Variants in IL16 observed in about 807,000 individuals in gnomAD.
The protein encoded by IL16 is interleukin 16.
A neutral mutation model predicts 110.1 loss-of-function variants in IL16; 67 were observed. The ratio of observed to expected loss-of-function variants is 0.61; its 90% CI spans 0.50 to 0.75. The LOEUF is 0.75. IL16 is among the 30% of genes least tolerant of loss of function. The pLI is 0.00. For synonymous variants in IL16, 689 were observed against 662.9 expected, an observed-to-expected ratio of 1.04 and a Z score of -0.61; for missense variants, 1,545 against 1,655.0, an observed-to-expected ratio of 0.93 and a Z score of 1.15.
rs77958445 is a variant in IL16, at chr15:81,269,597, C to A, written c.624C>A (p.Gly208=). 6.2e-7 allele frequency: 1 copy of A among 1,614,012 alleles called. No individual in the cohort carries two copies. The highest frequency in any genetic ancestry group is 1.7e-5 in the Admixed American group (1 of 60,008). The change falls in exon 5 of 19, where the codon GGC becomes GGA. Residue 208 remains glycine (G), a synonymous_variant. Transcript: ENST00000683961. ...CTCAGCTCGTGCAGCCATCTGGGGGCCTCCAGGCTTCAGTCATCTCCAACA... is the reference window on the plus strand; with the variant it reads ...CTCAGCTCGTGCAGCCATCTGGGGGACTCCAGGCTTCAGTCATCTCCAACA... ...STAQLVQPSG[G]LQASVISNIV... is the part of the protein sequence containing the mutation.
At chr15:81,261,246 G>C (rs1267056542) in intron 3 of IL16, among the ~76,000 whole-genome samples, 1 of 152,186 alleles carries the variant, frequency 6.6e-6, no homozygotes, top group African/African-American at 2.4e-5. Flanking sequence ...GAAAATCTTT[G>C]AACCAGGTTG....
At chr15:81,231,436 G>A (rs1029999457) in intron 2 of IL16, among the ~76,000 whole-genome samples, 2 of 147,264 alleles carry the variant, frequency 1.4e-5, no homozygotes, top group East Asian at 4.3e-4. Flanking sequence ...GCAATGGCAT[G>A]AACATGGGCT....
intron 2 of IL16, among the ~76,000 whole-genome samples, chr15:81,231,324 G>GCC (rs1484027748): frequency 3.4e-4 from 16 of 47,142 alleles, no homozygotes; most frequent in African/African-American, 1.3e-3. Context: ...AGGTCGGTCT[G>GCC]TCTCTCTCTC....
intron 2 of IL16, among the ~76,000 whole-genome samples, chr15:81,233,139 G>A (rs1008473663): frequency 2.0e-5 from 3 of 152,000 alleles, no homozygotes; most frequent in Non-Finnish European, 4.4e-5. Context: ...AAATTTATTA[G>A]CATGAAGTTG....
chr15:81,313,157 G>C lies in IL16; in HGVS notation c.*4359G>C, dbSNP rs1299764784. On this transcript the variant is annotated 3_prime_UTR_variant, in exon 19 of 19. Transcript: ENST00000683961. ...AGTCCATCAGCTTGTTCCAAAGAGT[G>C]AACACAGGCCTCTGCGTGCTCCCAG... 1.5e-6 allele frequency: 2 copies of C among 1,361,500 alleles called. No homozygotes were observed. Among genetic ancestry groups the C allele is most frequent in the South Asian group, 3.5e-5 (2 of 57,736 alleles). 84.3% of individuals were successfully genotyped at this position (1,361,500 alleles called of 1,614,324 possible).
chr15:81,287,935 C>T lies in IL16; in HGVS notation c.1332+2105C>T, dbSNP rs114942288. On this transcript the variant is annotated intron_variant, in intron 10 of 18. Transcript: ENST00000683961. ...GTCCCAATTAATTTGTCATTTCCTC[C>T]TGCTGCTTTTAGGACTACGGCAGAA... is the stretch of plus-strand genomic sequence containing the variant. Among the ~76,000 whole-genome samples, 409 of 152,334 alleles carry T rather than the reference C, an allele frequency of 2.7e-3. 3 individuals carry two copies. The highest frequency in any genetic ancestry group is 9.3e-3 in the African/African-American group (387 of 41,574).
chr15:81,280,288 C>T (rs913686784), intron 8 of IL16, among the ~76,000 whole-genome samples: 3 of 152,150 alleles, frequency 2.0e-5, no homozygotes, highest in Admixed American at 6.5e-5. Context: ...GAGGAGGCAG[C>T]GAGGCACAGA....
At chr15:81,263,346 A>ATTTTTTT (rs10717016) in intron 3 of IL16, among the ~76,000 whole-genome samples, 1 of 109,786 alleles carries the variant, frequency 9.1e-6, no homozygotes, top group African/African-American at 4.7e-5. Flanking sequence ...TTCAAAAACT[A>ATTTTTTT]TTTTTTTTTG....
intron 2 of IL16, among the ~76,000 whole-genome samples, chr15:81,246,227 A>T (rs1897542815): frequency 6.6e-6 from 1 of 151,118 alleles, no homozygotes. Flanking sequence ...AGTTTTATGA[A>T]TTTTAACATA....
chr15:81,241,965 T>C (rs1376619116), intron 2 of IL16, among the ~76,000 whole-genome samples: 1 of 151,862 alleles, frequency 6.6e-6, no homozygotes, highest in Non-Finnish European at 1.5e-5. Context: ...GCTTTTTTTT[T>C]TTTTCTCTCC....
chr15:81,251,291 C>G (rs925183931), intron 2 of IL16, among the ~76,000 whole-genome samples: 6 of 152,102 alleles, frequency 3.9e-5, no homozygotes, highest in African/African-American at 1.4e-4. Context: ...TTCAGCCTCC[C>G]AAGTAGCTGG....
chr15:81,225,271 G>A, intron 1 of IL16, 28 bp from the exon 2 acceptor site: 6 of 1,481,752 alleles, frequency 4.0e-6, no homozygotes, highest in Non-Finnish European at 5.4e-6. Flanking sequence ...AAGTCACATT[G>A]CTTCTTCCCA....
chr15:81,295,500 ACT>A (rs1567042065), intron 12 of IL16: 1 of 1,289,652 alleles, frequency 7.8e-7, no homozygotes, highest in Non-Finnish European at 1.0e-6. Flanking sequence ...ACAGATGTCA[ACT>A]TACAGAGCTC....
intron 1 of IL16, among the ~76,000 whole-genome samples, chr15:81,205,880 C>A (rs538417990): frequency 2.6e-5 from 4 of 151,930 alleles, no homozygotes; most frequent in African/African-American, 9.7e-5. Flanking sequence ...TTTTGTCAGA[C>A]AAAATAAAAA....
At chr15:81,247,070 C>CTCTTTTTTT (rs1567016849) in intron 2 of IL16, among the ~76,000 whole-genome samples, 4 of 107,606 alleles carry the variant, frequency 3.7e-5, no homozygotes, top group African/African-American at 1.4e-4. Context: ...TCTTTCTTTT[C>CTCTTTTTTT]TTTTCCTTTT....
Position 81,310,410 on chromosome 15 carries a change from T to C in IL16, c.*1612T>C, listed in dbSNP as rs1013367126. 6.6e-6 allele frequency: 1 copy of C among 152,196 alleles called. No homozygotes were observed. The highest frequency in any genetic ancestry group is 1.5e-5 in the Non-Finnish European group (1 of 68,044). 9.4% of individuals were successfully genotyped at this position (152,196 alleles called of 1,614,324 possible). On this transcript the variant is annotated 3_prime_UTR_variant, in exon 19 of 19. Transcript: ENST00000683961. ...CTGTTCTATTCATCTCAAGGAATAA[T>C]GGGCTTAGAGCAGTTTCTGTCCTGC...
intron 1 of IL16, 62 bp from the exon 2 acceptor site, chr15:81,225,237 T>C: frequency 1.5e-6 from 2 of 1,358,602 alleles, no homozygotes; most frequent in Non-Finnish European, 2.0e-6. Context: ...CCAGGACTCG[T>C]GTGCAGCTCC....
At chr15:81,307,343 A>T (rs1900624296) in intron 18 of IL16, among the ~76,000 whole-genome samples, 1 of 152,148 alleles carries the variant, frequency 6.6e-6, no homozygotes, top group African/African-American at 2.4e-5. Flanking sequence ...AAAAGGAGGT[A>T]AAGAGGTACA....
At chr15:81,258,222 G>A (rs183078695) in intron 2 of IL16, among the ~76,000 whole-genome samples, 3 of 152,252 alleles carry the variant, frequency 2.0e-5, no homozygotes, top group African/African-American at 7.2e-5. Flanking sequence ...TAAAATCTCA[G>A]GATGAGGAGA....
Sources: gnomAD v4.1 joint callset for allele counts (sites outside exome capture counted in the v4.1 genomes callset) on GRCh38, gnomAD v4.1.1 for gene constraint, MANE v1.5 for transcripts, NCBI Gene and HGNC (gene_info 2026-07-23, HGNC 2026-07-21) for gene names.